LUZP2: variants seen among roughly 807,000 people sequenced by gnomAD.
LUZP2 encodes leucine zipper protein 2.
In LUZP2, 52 loss-of-function variants were observed where a neutral mutation model predicts 51.6. That is an observed-to-expected ratio of 1.01 (90% confidence interval 0.81 to 1.27). The LOEUF (loss-of-function observed/expected upper bound fraction) is 1.27. Ranked by LOEUF, LUZP2 falls within the 50% of genes most tolerant of loss-of-function variation. The pLI is 0.00. For missense variants in LUZP2, 436 were observed against 395.4 expected (o/e 1.10, Z -0.87); for synonymous variants, 154 against 137.3 (o/e 1.12, Z -0.85).
intron 1 of LUZP2, among the ~76,000 whole-genome samples, chr11:24,594,750 CTTTTTTTTTTTTT>C (rs61196514): frequency 1.3e-5 from 1 of 78,580 alleles, no homozygotes; most frequent in East Asian, 3.0e-4. Flanking sequence ...GTTTGGGACA[CTTTTTTTTTTTTT>C]TTTTTTTTTT....
At chr11:24,949,315 T>C in intron 7 of LUZP2, among the ~76,000 whole-genome samples, 1 of 110,848 alleles carries the variant, frequency 9.0e-6, no homozygotes, top group Non-Finnish European at 2.0e-5. Context: ...TATCTATCTA[T>C]CTATCTATCT....
chr11:24,858,567 C>T (rs1851638269), intron 5 of LUZP2, among the ~76,000 whole-genome samples: 3 of 152,048 alleles, frequency 2.0e-5, no homozygotes, highest in Non-Finnish European at 4.4e-5. Flanking sequence ...TCAGCAGGAG[C>T]ATTTGGGACA....
At chr11:25,035,839 C>CT (rs1857840525) in intron 9 of LUZP2, among the ~76,000 whole-genome samples, 1 of 151,980 alleles carries the variant, frequency 6.6e-6, no homozygotes, top group African/African-American at 2.4e-5. Flanking sequence ...GGTATATTTA[C>CT]TTTTTTATCT....
intron 1 of LUZP2, among the ~76,000 whole-genome samples, chr11:24,574,247 T>TC (rs796347084): frequency 9.5e-4 from 2 of 2,108 alleles, no homozygotes; most frequent in Non-Finnish European, 3.5e-3. Context: ...TTTCTTTCTT[T>TC]CTTTCTTTCT....
At chr11:25,044,251 GTGTGTGTATATA>G (rs1316334752) in intron 9 of LUZP2, among the ~76,000 whole-genome samples, 30 of 117,642 alleles carry the variant, frequency 2.6e-4, no homozygotes, top group African/African-American at 6.1e-4. Flanking sequence ...GTGTGTGTGT[GTGTGTGTATATA>G]TATATATATA....
intron 1 of LUZP2, among the ~76,000 whole-genome samples, chr11:24,512,268 C>T (rs1468722976): frequency 2.0e-5 from 3 of 151,968 alleles, no homozygotes; most frequent in Non-Finnish European, 4.4e-5. Context: ...GTAGTATAAA[C>T]CTTAAGAACC....
intron 9 of LUZP2, among the ~76,000 whole-genome samples, chr11:25,009,573 TA>T (rs1856927563): frequency 6.6e-6 from 1 of 152,150 alleles, no homozygotes; most frequent in Non-Finnish European, 1.5e-5. Flanking sequence ...TTTAAATATG[TA>T]TAAGAAGGGA....
intron 7 of LUZP2, among the ~76,000 whole-genome samples, chr11:24,953,948 T>C (rs572221052): frequency 2.0e-5 from 3 of 151,862 alleles, no homozygotes; most frequent in Non-Finnish European, 2.9e-5. Flanking sequence ...TATGTATTAA[T>C]ATAACCATAC....
intron 4 of LUZP2, among the ~76,000 whole-genome samples, chr11:24,758,650 C>G (rs558260745): frequency 5.9e-5 from 9 of 152,124 alleles, no homozygotes; most frequent in Middle Eastern, 3.4e-3. Context: ...CACTGATGCT[C>G]TCTCTCAAAT....
At chr11:24,584,357 G>A (rs1019780519) in intron 1 of LUZP2, among the ~76,000 whole-genome samples, 1 of 152,296 alleles carries the variant, frequency 6.6e-6, no homozygotes, top group Admixed American at 6.5e-5. Context: ...TCCAGTATTT[G>A]TGATGTTTGG....
At position 24,901,414 on chromosome 11, in the gene LUZP2, G is replaced by A. The variant is rs538893490; in HGVS notation, c.397-4577G>A. Among the ~76,000 whole-genome samples the A allele has an allele frequency of 2.1e-4, 31 of 145,926 alleles. No homozygotes were observed. The South Asian group carries it at 5.6e-3, about 27-fold the overall frequency. ...CCTCACTTCATTAAAAAAAAAAAAA[G>A]GTAACTTGAAGAGGATTATAGAAAA... On this transcript the variant is annotated intron_variant, in intron 5 of 11. Coordinates refer to ENST00000336930, the MANE Select transcript of LUZP2 (RefSeq NM_001009909.4).
intron 3 of LUZP2, among the ~76,000 whole-genome samples, chr11:24,734,025 AG>A (rs1379291207): frequency 6.6e-6 from 1 of 151,842 alleles, no homozygotes; most frequent in Non-Finnish European, 1.5e-5. Context: ...AATCCCTTTT[AG>A]GTAGCTCCAT....
intron 5 of LUZP2, among the ~76,000 whole-genome samples, chr11:24,905,635 A>G (rs968132834): frequency 6.6e-6 from 1 of 152,186 alleles, no homozygotes; most frequent in Non-Finnish European, 1.5e-5. Context: ...TAGCATACAC[A>G]TGGAAAGTTC....
chr11:24,525,822 C>T (rs1850782547), intron 1 of LUZP2, among the ~76,000 whole-genome samples: 1 of 151,170 alleles, frequency 6.6e-6, no homozygotes, highest in Non-Finnish European at 1.5e-5. Context: ...CTGTGACATA[C>T]ATTAGTTGAA....
At chr11:24,735,511 A>C (rs561056446) in intron 3 of LUZP2, among the ~76,000 whole-genome samples, 1 of 151,912 alleles carries the variant, frequency 6.6e-6, no homozygotes, top group Admixed American at 6.6e-5. Flanking sequence ...ATACTAAAGC[A>C]CTTTACAATA....
intron 5 of LUZP2, among the ~76,000 whole-genome samples, chr11:24,777,151 G>A (rs559682358): frequency 5.9e-5 from 9 of 151,880 alleles, no homozygotes; most frequent in African/African-American, 1.9e-4. Flanking sequence ...CCACCACCAC[G>A]CCTGGCTAAT....
chr11:24,880,570 A>G (rs2134291961), intron 5 of LUZP2, among the ~76,000 whole-genome samples: 1 of 152,254 alleles, frequency 6.6e-6, no homozygotes, highest in East Asian at 1.9e-4. Flanking sequence ...GGTGATACTC[A>G]TGCTATTGGC....
intron 1 of LUZP2, among the ~76,000 whole-genome samples, chr11:24,634,995 G>A (rs897194579): frequency 1.3e-4 from 19 of 151,924 alleles, no homozygotes; most frequent in African/African-American, 4.1e-4. Flanking sequence ...TAATAATAAC[G>A]TTAAACATAA....
intron 1 of LUZP2, among the ~76,000 whole-genome samples, chr11:24,520,885 G>T (rs774835434): frequency 6.6e-6 from 1 of 152,170 alleles, no homozygotes; most frequent in Non-Finnish European, 1.5e-5. Flanking sequence ...TCAACCAAGG[G>T]TTTTCCAGGG....
Sources: gnomAD v4.1 joint callset for allele counts (sites outside exome capture counted in the v4.1 genomes callset) on GRCh38, gnomAD v4.1.1 for gene constraint, MANE v1.5 for transcripts, NCBI Gene and HGNC (gene_info 2026-07-23, HGNC 2026-07-21) for gene names.